Variants in KLHL12 observed in about 807,000 individuals in gnomAD.
The protein encoded by KLHL12 is kelch-like protein 12.
A neutral mutation model predicts 60.8 loss-of-function variants in KLHL12; 17 were observed. That is an observed-to-expected ratio of 0.28 (90% confidence interval 0.19 to 0.42). The LOEUF is 0.42. Ranked by LOEUF, KLHL12 falls within the 10% of genes least tolerant of loss-of-function variation. The pLI, the probability that KLHL12 is intolerant of heterozygous loss-of-function variation, is 1.00. For missense variants in KLHL12, 468 were observed against 722.3 expected (o/e 0.65, Z 4.04); for synonymous variants, 220 against 250.9 (o/e 0.88, Z 1.16).
At chr1:202,908,964 A>T (rs752543644) in intron 6 of KLHL12, 46 bp downstream of exon 6, 2 of 1,168,380 alleles carry the variant, frequency 1.7e-6, no homozygotes, top group East Asian at 2.3e-5. Flanking sequence ...CACCTGCAAG[A>T]AGTAGTTGAA....
chr1:202,903,958 TTTTAACCC>T lies in KLHL12; in HGVS notation c.832+5044_832+5051del, dbSNP rs564750439. ...TTATGAGCTCTTTACACACAAATGGTTTTAACCCTTTAACCCTTTATCTATCTATCTAT... is the reference window on the plus strand; with the variant it reads ...TTATGAGCTCTTTACACACAAATGGTTTTAACCCTTTATCTATCTATCTAT... On this transcript the variant is annotated intron_variant, in intron 6 of 11. Coordinates refer to ENST00000367261, the MANE Select transcript of KLHL12 (RefSeq NM_021633.4). Among the ~76,000 whole-genome samples, 591 of 151,570 alleles carry T rather than the reference TTTTAACCC, an allele frequency of 3.9e-3. 1 individual carries two copies. Among genetic ancestry groups the T allele is most frequent in the Non-Finnish European group, 5.1e-3 (348 of 67,880 alleles).
intron 4 of KLHL12, chr1:202,911,693 C>T: frequency 1.8e-6 from 1 of 544,592 alleles, no homozygotes; most frequent in Middle Eastern, 5.3e-4. Context: ...TTCACCCAAG[C>T]CTCTGAAGCA....
intron 1 of KLHL12, among the ~76,000 whole-genome samples, chr1:202,925,690 A>C (rs990987101): frequency 1.3e-5 from 2 of 152,200 alleles, no homozygotes; most frequent in Non-Finnish European, 2.9e-5. Flanking sequence ...ATGTAAGAAA[A>C]AGTGTGTATT....
chr1:202,894,026 T>G (rs1339433570), intron 10 of KLHL12, among the ~76,000 whole-genome samples, 158 bp downstream of exon 10: 1 of 152,202 alleles, frequency 6.6e-6, no homozygotes, highest in Non-Finnish European at 1.5e-5. Context: ...GTTGTAAGTA[T>G]CAACTGTCTT....
chr1:202,922,456 G>A lies in KLHL12; in HGVS notation c.195+2512C>T, dbSNP rs1438169857. The stretch of plus-strand genomic sequence containing the variant: ...AAGGAAAAAAAAAAAAAGAGAGAGC[G>A]ATAAAGGGTCTAAAGATCAAAGAAG... On this transcript the variant is annotated intron_variant, in intron 2 of 11. Transcript: ENST00000367261. Among the ~76,000 whole-genome samples, 5 of 148,014 alleles carry A rather than the reference G, an allele frequency of 3.4e-5. 1 individual carries two copies. Among genetic ancestry groups the A allele is most frequent in the African/African-American group, 7.4e-5 (3 of 40,590 alleles).
intron 1 of KLHL12, among the ~76,000 whole-genome samples, chr1:202,925,621 T>C (rs912720541): frequency 6.6e-6 from 1 of 152,206 alleles, no homozygotes; most frequent in Non-Finnish European, 1.5e-5. Flanking sequence ...AAAAAGAGGA[T>C]CCTGCTTTAT....
At chr1:202,922,249 T>C (rs534109291) in intron 2 of KLHL12, among the ~76,000 whole-genome samples, 1 of 150,764 alleles carries the variant, frequency 6.6e-6, no homozygotes, top group Admixed American at 6.7e-5. Context: ...GGTAAGGTAG[T>C]TAGGTCTGAT....
intron 4 of KLHL12, chr1:202,912,635 T>A (rs183179124): frequency 5.2e-6 from 7 of 1,340,516 alleles, no homozygotes; most frequent in Non-Finnish European, 6.3e-6. Flanking sequence ...TGGGCCCCTA[T>A]GGCGGTGGAG....
intron 11 of KLHL12, among the ~76,000 whole-genome samples, chr1:202,892,972 T>C (rs770710185): frequency 6.6e-6 from 1 of 151,906 alleles, no homozygotes; most frequent in Non-Finnish European, 1.5e-5. Flanking sequence ...AGCCCAGGAG[T>C]TGGAGACCAG....
At position 202,895,495 on chromosome 1, in the gene KLHL12, A is replaced by G; in HGVS notation, c.1135+27T>C. The G allele has an allele frequency of 6.3e-7, 1 of 1,598,602 alleles. No individual in the cohort carries two copies. The highest frequency in any genetic ancestry group is 8.5e-7 in the Non-Finnish European group (1 of 1,171,480). On this transcript the variant is annotated intron_variant, in intron 8 of 11. Transcript: ENST00000367261. The surrounding 1 kb of genome is among the most constrained non-coding windows in gnomAD (Gnocchi z 4.2). ...CCTGGTCCAGCCACAGTAAGATGGA[A>G]ATAATTGCCCTGCACATCCAGCCTA...
chr1:202,903,662 G>T (rs1013900581), intron 6 of KLHL12, among the ~76,000 whole-genome samples: 13 of 132,796 alleles, frequency 9.8e-5, no homozygotes, highest in African/African-American at 3.5e-4. Flanking sequence ...TTGCTCTGTG[G>T]CCCAGGCTGG....
chr1:202,911,348 G>A (rs924908540), intron 4 of KLHL12, 145 bp from the exon 5 acceptor site: 8 of 883,270 alleles, frequency 9.1e-6, no homozygotes, highest in South Asian at 3.4e-5. Flanking sequence ...TAGGCTCTTG[G>A]GAAAACAATT....
In KLHL12 at chr1:202,919,752, T is replaced by C; in HGVS notation, c.349+3A>G. ...AAACAATAGCAAGTTTTAATGTCTG[T>C]ACCTTTCAACTGAAGCAGACAGGCT... is the stretch of plus-strand genomic sequence containing the variant. On this transcript the variant is annotated splice_donor_region_variant and intron_variant, in intron 3 of 11. Transcript: ENST00000367261. The C allele has an allele frequency of 6.2e-7, 1 of 1,610,512 alleles. No individual in the cohort carries two copies. The highest frequency in any genetic ancestry group is 8.5e-7 in the Non-Finnish European group (1 of 1,178,838).
At chr1:202,917,896 T>C (rs1253364984) in intron 4 of KLHL12, among the ~76,000 whole-genome samples, 1 of 152,220 alleles carries the variant, frequency 6.6e-6, no homozygotes. Flanking sequence ...AGAGAAGTGG[T>C]CTACAGATAC....
chr1:202,903,629 C>CTTTTTTTTTTTTTTTTTTTTTTTT lies in KLHL12; in HGVS notation c.832+5380_832+5381insAAAAAAAAAAAAAAAAAAAAAAAA, dbSNP rs1220119536. 3.9e-5 allele frequency among the ~76,000 whole-genome samples: 3 copies of CTTTTTTTTTTTTTTTTTTTTTTTT among 76,086 alleles called. 1 individual carries two copies. Among genetic ancestry groups the CTTTTTTTTTTTTTTTTTTTTTTTT allele is most frequent in the Non-Finnish European group, 7.5e-5 (3 of 39,942 alleles). 49.9% of individuals were successfully genotyped at this position (76,086 alleles called of 152,430 possible). A position where few individuals can be genotyped will look rare whatever the true frequency, so the allele number is the denominator to read the frequency against. On this transcript the variant is annotated intron_variant, in intron 6 of 11. Coordinates refer to ENST00000367261, the MANE Select transcript of KLHL12 (RefSeq NM_021633.4). ...CTGGGACCACTAATTTTTTTCTTTT[C>CTTTTTTTTTTTTTTTTTTTTTTTT]TTTTTTTTTTTGAAACGGCGTCTTG...
rs769743265 is a variant in KLHL12 at position 202,894,704 on chromosome 1, G to A, written c.1181C>T (p.Thr394Ile). Residue 394 changes from threonine to isoleucine, a missense_variant, in exon 9 of 12, where the codon ACC becomes ATC. Thr to Ile is a moderately conservative substitution (Grantham distance 89). Around this residue, in one of 4 missense-constraint regions of KLHL12, gnomAD observed 339 missense variants for 525.0 expected, o/e 0.65. Coordinates refer to ENST00000367261, the MANE Select transcript of KLHL12 (RefSeq NM_021633.4). ...SGGFDGSRRH[T>I]SMERYDPNID... ...GTTTGGATCATAGCGCTCCATACTG[G>A]TGTGACGCCTGCTTCCATCAAAGCC... 1.2e-6 allele frequency: 2 copies of A among 1,613,918 alleles called. No homozygotes were observed. Among genetic ancestry groups the A allele is most frequent in the Non-Finnish European group, 1.7e-6 (2 of 1,179,828 alleles).
At chr1:202,903,843 G>A (rs941462106) in intron 6 of KLHL12, among the ~76,000 whole-genome samples, 3 of 150,878 alleles carry the variant, frequency 2.0e-5, no homozygotes, top group Non-Finnish European at 4.4e-5. Flanking sequence ...GGCTGGTCTC[G>A]AATTCCTGGG....
At chr1:202,908,560 A>C (rs1368415280) in intron 6 of KLHL12, among the ~76,000 whole-genome samples, 1 of 152,172 alleles carries the variant, frequency 6.6e-6, no homozygotes, top group East Asian at 1.9e-4. Flanking sequence ...AGTAACTGCC[A>C]AAACCCATGT....
chr1:202,896,121 G>T (rs1035370334), intron 7 of KLHL12, among the ~76,000 whole-genome samples: 6 of 152,202 alleles, frequency 3.9e-5, no homozygotes, highest in Admixed American at 3.9e-4. Flanking sequence ...AGGAGGGTTG[G>T]ATTTCCATGT....
Sources: gnomAD v4.1 joint callset for allele counts (sites outside exome capture counted in the v4.1 genomes callset) on GRCh38, gnomAD v4.1.1 for gene constraint, gnomAD v4.1.1 regional missense constraint, Gnocchi (gnomAD v3.1) non-coding constraint, MANE v1.5 for transcripts, NCBI Gene and HGNC (gene_info 2026-07-23, HGNC 2026-07-21) for gene names.